Variants in CTNNA1 observed in about 807,000 individuals in gnomAD.
CTNNA1 encodes catenin alpha 1, also known as catenin alpha-1.
CTNNA1 carries 37 observed loss-of-function variants against 98.4 expected under a neutral mutation model. The observed-to-expected ratio is 0.38, with a 90% CI of 0.29 to 0.49. CTNNA1 has a LOEUF of 0.49. Among genes scored for constraint, CTNNA1 ranks in the 20% least tolerant of loss-of-function variants. The pLI, the probability that CTNNA1 is intolerant of heterozygous loss-of-function variation, is 0.95. For missense variants in CTNNA1, 761 were observed against 1,147.2 expected (o/e 0.66, Z 4.86); for synonymous variants, 404 against 413.2 (o/e 0.98, Z 0.27).
chr5:138,799,621 T>C (rs1353055774), intron 3 of CTNNA1, among the ~76,000 whole-genome samples: 1 of 150,496 alleles, frequency 6.6e-6, no homozygotes, highest in African/African-American at 2.5e-5. Flanking sequence ...TTAGTCTTAG[T>C]GTCATTTTTT....
intron 5 of CTNNA1, among the ~76,000 whole-genome samples, chr5:138,820,270 G>T (rs884469): frequency 5.9e-5 from 9 of 151,530 alleles, no homozygotes; most frequent in Non-Finnish European, 8.8e-5. Flanking sequence ...ACTTAGCCTT[G>T]GGGATGAAGG....
chr5:138,912,087 GTGAGACA>G (rs1760761580), intron 10 of CTNNA1, among the ~76,000 whole-genome samples: 1 of 152,214 alleles, frequency 6.6e-6, no homozygotes, highest in African/African-American at 2.4e-5. Flanking sequence ...ATGTGTAAAT[GTGAGACA>G]TCACCAAGGG....
intron 3 of CTNNA1, among the ~76,000 whole-genome samples, chr5:138,802,100 A>G (rs534579493): frequency 6.6e-6 from 1 of 152,362 alleles, no homozygotes; most frequent in South Asian, 2.1e-4. Context: ...TGATTCGCCA[A>G]GGGATTAAAA....
At chr5:138,808,327 T>C (rs561372401) in intron 3 of CTNNA1, among the ~76,000 whole-genome samples, 71 of 152,236 alleles carry the variant, frequency 4.7e-4, no homozygotes, top group Admixed American at 8.5e-4. Flanking sequence ...GCTCAAACAT[T>C]TGTTGAACAA....
intron 5 of CTNNA1, among the ~76,000 whole-genome samples, chr5:138,816,571 A>C (rs2149750005): frequency 6.6e-6 from 1 of 152,262 alleles, no homozygotes; most frequent in Non-Finnish European, 1.5e-5. Flanking sequence ...AGCCATTCTA[A>C]TTAGAATGAG....
chr5:138,753,787 G>C (rs1169894341), intron 1 of CTNNA1: 1 of 269,156 alleles, frequency 3.7e-6, no homozygotes, highest in African/African-American at 2.2e-5. Flanking sequence ...GCCTGGGCTG[G>C]GGAGGAGAAA....
intron 7 of CTNNA1, among the ~76,000 whole-genome samples, chr5:138,833,329 C>T (rs1444716269): frequency 6.6e-6 from 1 of 152,154 alleles, no homozygotes; most frequent in Non-Finnish European, 1.5e-5. Context: ...CTCTGCTATT[C>T]AGTGTGGTAG....
chr5:138,865,082 G>T (rs887752268), intron 7 of CTNNA1, among the ~76,000 whole-genome samples: 3 of 152,190 alleles, frequency 2.0e-5, no homozygotes, highest in Non-Finnish European at 4.4e-5. Context: ...AAAGTGCTGG[G>T]ATTACAGGCG....
At chr5:138,899,010 CT>C (rs1404234586) in intron 9 of CTNNA1, among the ~76,000 whole-genome samples, 1 of 152,024 alleles carries the variant, frequency 6.6e-6, no homozygotes, top group African/African-American at 2.4e-5. Context: ...TTTTCTTGAA[CT>C]TCTATTTTGA....
At chr5:138,929,888 C>T (rs145440536) in intron 14 of CTNNA1, among the ~76,000 whole-genome samples, 2 of 152,254 alleles carry the variant, frequency 1.3e-5, no homozygotes, top group East Asian at 3.9e-4. Flanking sequence ...TCGTGAACAG[C>T]GAGCACATCC....
At chr5:138,910,755 A>G (rs545861285) in intron 10 of CTNNA1, among the ~76,000 whole-genome samples, 1 of 152,302 alleles carries the variant, frequency 6.6e-6, no homozygotes, top group South Asian at 2.1e-4. Flanking sequence ...AGGATGTCTC[A>G]GGGGAGAGAG....
At chr5:138,821,551 A>G (rs1760046211) in intron 5 of CTNNA1, among the ~76,000 whole-genome samples, 1 of 152,184 alleles carries the variant, frequency 6.6e-6, no homozygotes, top group Admixed American at 6.5e-5. Flanking sequence ...AAGTGTAGCC[A>G]TTTGTATCCA....
intron 13 of CTNNA1, among the ~76,000 whole-genome samples, chr5:138,926,780 C>T (rs1237283443): frequency 6.6e-6 from 1 of 152,152 alleles, no homozygotes; most frequent in African/African-American, 2.4e-5. Context: ...TGGCTGGTTT[C>T]TCCCCATCTC....
intron 9 of CTNNA1, among the ~76,000 whole-genome samples, chr5:138,901,973 G>A (rs1279928144): frequency 6.6e-6 from 1 of 152,204 alleles, no homozygotes; most frequent in Non-Finnish European, 1.5e-5. Context: ...TTCATCTGGA[G>A]AAGACTGTTA....
chr5:138,769,498 C>T (rs1280258786), intron 1 of CTNNA1, among the ~76,000 whole-genome samples: 1 of 151,844 alleles, frequency 6.6e-6, no homozygotes, highest in Non-Finnish European at 1.5e-5. Flanking sequence ...AAGTGATTCT[C>T]CTGCCTCAGC....
intron 5 of CTNNA1, among the ~76,000 whole-genome samples, chr5:138,820,857 A>G (rs1417452439): frequency 1.3e-5 from 2 of 152,196 alleles, no homozygotes; most frequent in African/African-American, 2.4e-5. Context: ...GGTAGATACT[A>G]TAACTGGTCG....
Position 138,873,592 on chromosome 5 carries a change from G to C in CTNNA1, c.1063-12620G>C. ...GACCTTGGAAACTGCCCAGCCAGGA[G>C]GCCAGAGCACATATTCGGGCGCTGC... On this transcript the variant is annotated intron_variant, in intron 7 of 17. Coordinates refer to ENST00000302763, the MANE Select transcript of CTNNA1 (RefSeq NM_001903.5). This position sits in a 1 kb window ranked among gnomAD's most constrained non-coding sequence, Gnocchi z 6.1. 6.2e-7 allele frequency: 1 copy of C among 1,613,972 alleles called. No homozygotes were observed. Among genetic ancestry groups the C allele is most frequent in the Non-Finnish European group, 8.5e-7 (1 of 1,179,894 alleles).
chr5:138,932,007 C>T, intron 16 of CTNNA1: 1 of 985,570 alleles, frequency 1.0e-6, no homozygotes, highest in Non-Finnish European at 1.2e-6. Context: ...CAGGGGCCAC[C>T]CTTTTCTCTT....
intron 9 of CTNNA1, among the ~76,000 whole-genome samples, chr5:138,901,487 C>G (rs1758019621): frequency 6.6e-6 from 1 of 151,994 alleles, no homozygotes; most frequent in Admixed American, 6.6e-5. Context: ...CATGGTCTTG[C>G]AGTCATGGCT....
Sources: allele counts gnomAD v4.1 joint callset (sites outside exome capture counted in the v4.1 genomes callset), GRCh38; gene constraint gnomAD v4.1.1; non-coding constraint Gnocchi (gnomAD v3.1); transcripts MANE v1.5; gene names NCBI Gene and HGNC (gene_info 2026-07-23, HGNC 2026-07-21).